FNTB: variants seen among roughly 807,000 people sequenced by gnomAD.
FNTB encodes the protein protein farnesyltransferase subunit beta.
In FNTB, 27 loss-of-function variants were observed where a neutral mutation model predicts 59.4. That is an observed-to-expected ratio of 0.45 (90% CI 0.34 to 0.63). The LOEUF is 0.63. Ranked by LOEUF, FNTB falls within the 20% of genes least tolerant of loss-of-function variation. FNTB has a pLI of 0.02. For synonymous variants in FNTB, 230 were observed against 220.7 expected, an observed-to-expected ratio of 1.04 and a Z score of -0.37; for missense variants, 449 against 559.6, an observed-to-expected ratio of 0.80 and a Z score of 1.99.
chr14:65,010,826 G>C (rs2061672259), intron 2 of FNTB, among the ~76,000 whole-genome samples: 1 of 152,252 alleles, frequency 6.6e-6, no homozygotes, highest in Non-Finnish European at 1.5e-5. Context: ...ATTGAGGTCA[G>C]ATTCTCCCAC....
chr14:65,057,972 T>A (rs2062776879), intron 11 of FNTB, among the ~76,000 whole-genome samples: 1 of 152,238 alleles, frequency 6.6e-6, no homozygotes, highest in Non-Finnish European at 1.5e-5. Flanking sequence ...CCTGTCTGCC[T>A]TGTTGTTTTT....
intron 11 of FNTB, among the ~76,000 whole-genome samples, chr14:65,059,837 C>CTTTTTTTTTTT (rs34459085): frequency 7.4e-6 from 1 of 134,242 alleles, no homozygotes; most frequent in African/African-American, 2.8e-5. Flanking sequence ...GTCCTTTTTT[C>CTTTTTTTTTTT]TTTTTTTTTT....
At position 65,023,331 on chromosome 14, in the gene FNTB, C is replaced by G. The variant is rs559739528; in HGVS notation, c.375-4122C>G. Among the ~76,000 whole-genome samples, 1 of 152,314 alleles carries G rather than the reference C, an allele frequency of 6.6e-6. No individual in the cohort carries two copies. The highest frequency in any genetic ancestry group is 2.4e-5 in the African/African-American group (1 of 41,562). On this transcript the variant is annotated intron_variant, in intron 4 of 11. Coordinates refer to ENST00000246166, the MANE Select transcript of FNTB (RefSeq NM_002028.4). This position sits in a 1 kb window ranked among gnomAD's most constrained non-coding sequence, Gnocchi z 4.1. ...CACCTCAGCCAAAGTGCTGGGATTA[C>G]AGGCATGAGCCACCACGCCTGGCCA...
chr14:65,031,416 C>T lies in FNTB; in HGVS notation c.606-1194C>T, dbSNP rs1304892613. ...CACTGCAACCCCCGCCTCCCGGGTT[C>T]AAGTGGTTCTCCTGCCTCAGCCTCC... is the stretch of plus-strand genomic sequence containing the variant. On this transcript the variant is annotated intron_variant, in intron 6 of 11. Transcript: ENST00000246166. The surrounding 1 kb of genome is among the most constrained non-coding windows in gnomAD (Gnocchi z 4.6). Among the ~76,000 whole-genome samples, 1 of 151,804 alleles carries T rather than the reference C, an allele frequency of 6.6e-6. No individual in the cohort carries two copies. Among genetic ancestry groups the T allele is most frequent in the African/African-American group, 2.4e-5 (1 of 41,358 alleles).
chr14:65,042,230 A>G (rs559535414), intron 8 of FNTB, among the ~76,000 whole-genome samples: 8 of 152,152 alleles, frequency 5.3e-5, no homozygotes, highest in Non-Finnish European at 1.0e-4. Flanking sequence ...TGATTCAAGT[A>G]CATTACATTT....
chr14:64,988,497 A>G lies in FNTB; in HGVS notation c.144+1400A>G, dbSNP rs1161522300. On this transcript the variant is annotated intron_variant, in intron 1 of 11. Transcript: ENST00000246166. Reference sequence around the variant, plus strand: ...GGTCTCGCCCTGTTGCCAGGCTGGGATGCACTGGCTTACTGCACCCTCCGC... The same window carrying G: ...GGTCTCGCCCTGTTGCCAGGCTGGGGTGCACTGGCTTACTGCACCCTCCGC... 2.0e-4 allele frequency among the ~76,000 whole-genome samples: 25 copies of G among 122,470 alleles called. No homozygotes were observed. In the Admixed American group the frequency reaches 2.5e-3, roughly 12 times the overall value. 80.3% of individuals were successfully genotyped at this position (122,470 alleles called of 152,430 possible).
chr14:65,001,246 G>A lies in FNTB; in HGVS notation c.145-3003G>A, dbSNP rs931046684. ...CAATCAACAGACTACATATACCACA[G>A]TGGTCTGGAAAGATTATAGTACTGT... On this transcript the variant is annotated intron_variant, in intron 1 of 11. Coordinates refer to ENST00000246166, the MANE Select transcript of FNTB (RefSeq NM_002028.4). The surrounding 1 kb of genome is among the most constrained non-coding windows in gnomAD (Gnocchi z 5.5). Among the ~76,000 whole-genome samples, 1 of 152,274 alleles carries A rather than the reference G, an allele frequency of 6.6e-6. No individual in the cohort carries two copies. Among genetic ancestry groups the A allele is most frequent in the South Asian group, 2.1e-4 (1 of 4,826 alleles).
chr14:65,028,889 C>T lies in FNTB; in HGVS notation c.605+1108C>T, dbSNP rs553684816. 3.1e-4 allele frequency among the ~76,000 whole-genome samples: 47 copies of T among 152,276 alleles called. No homozygotes were observed. Among genetic ancestry groups the T allele is most frequent in the African/African-American group, 1.1e-3 (45 of 41,540 alleles). ...CCCCAAAATATGCACAGTCTTGAAA[C>T]GCAGCTTTTAAAAACCTACTAAGAT... On this transcript the variant is annotated intron_variant, in intron 6 of 11. Transcript: ENST00000246166. This position sits in a 1 kb window ranked among gnomAD's most constrained non-coding sequence, Gnocchi z 4.4.
At position 65,054,651 on chromosome 14, in the gene FNTB, T is replaced by C; in HGVS notation, c.1144T>C (p.Leu382=). The change falls in exon 11 of 12, where the codon TTG becomes CTG. Residue 382 remains leucine (L), a synonymous_variant. Coordinates refer to ENST00000246166, the MANE Select transcript of FNTB (RefSeq NM_002028.4). This position sits in a 1 kb window ranked among gnomAD's most constrained non-coding sequence, Gnocchi z 4.4. ...CCAGCACTTCGGCAGCGGAGCCATG[T>C]TGCATGATGTGGTCCTGGGTGTGCC... is the stretch of plus-strand genomic sequence containing the variant. ...IAQHFGSGAM[L]HDVVLGVPEN... is the part of the protein sequence containing the mutation. The C allele has an allele frequency of 6.2e-7, 1 of 1,613,492 alleles. No homozygotes were observed. The highest frequency in any genetic ancestry group is 8.5e-7 in the Non-Finnish European group (1 of 1,179,716).
chr14:65,020,221 G>A (rs78339233), intron 4 of FNTB, among the ~76,000 whole-genome samples: 3,504 of 152,310 alleles, frequency 0.023, 147 homozygotes, highest in African/African-American at 0.08. Context: ...CCAGCAAGGC[G>A]AGGTTGTTAC....
At chr14:65,010,167 C>T (rs533528352) in intron 2 of FNTB, among the ~76,000 whole-genome samples, 32 of 152,306 alleles carry the variant, frequency 2.1e-4, no homozygotes, top group African/African-American at 7.7e-4. Context: ...ATTCTCTCCT[C>T]CCTGATGGCC....
At chr14:65,010,268 G>C (rs143659687) in intron 2 of FNTB, among the ~76,000 whole-genome samples, 9 of 152,146 alleles carry the variant, frequency 5.9e-5, no homozygotes, top group Admixed American at 5.9e-4. Flanking sequence ...TTAGAGATGG[G>C]TCTTCCCACA....
At chr14:65,051,013 T>G (rs931895985) in intron 9 of FNTB, among the ~76,000 whole-genome samples, 2 of 152,224 alleles carry the variant, frequency 1.3e-5, no homozygotes, top group Admixed American at 1.3e-4. Flanking sequence ...TCACTGTGCT[T>G]ACAGGTGAGG....
Position 65,027,306 on chromosome 14 carries a change from G to C in FNTB, c.375-147G>C. On this transcript the variant is annotated intron_variant, in intron 4 of 11. Transcript: ENST00000246166. The surrounding 1 kb of genome is among the most constrained non-coding windows in gnomAD (Gnocchi z 5.7). ...GAGAGAATTAAGCCCTTTGGGGAGA[G>C]GTTATATTCAACAAGTGGGAGGAGA... is the stretch of plus-strand genomic sequence containing the variant. The C allele has an allele frequency of 1.6e-6, 2 of 1,255,578 alleles. No individual in the cohort carries two copies. Among genetic ancestry groups the C allele is most frequent in the Non-Finnish European group, 2.2e-6 (2 of 903,212 alleles). The allele number at this position is 1,255,578 out of a possible 1,614,324, so 77.8% of individuals were successfully genotyped here.
intron 1 of FNTB, among the ~76,000 whole-genome samples, chr14:64,998,207 A>C (rs1161854277): frequency 6.6e-6 from 1 of 152,252 alleles, no homozygotes; most frequent in Non-Finnish European, 1.5e-5. Context: ...TCTGAGCTGA[A>C]ATTTAGTGAC....
At chr14:64,987,968 A>T (rs1888018406) in intron 1 of FNTB, among the ~76,000 whole-genome samples, 1 of 152,220 alleles carries the variant, frequency 6.6e-6, no homozygotes, top group African/African-American at 2.4e-5. Flanking sequence ...ATAAATGAAC[A>T]TTCTGCTGCT....
intron 9 of FNTB, among the ~76,000 whole-genome samples, chr14:65,051,207 A>G (rs998847148): frequency 3.3e-5 from 5 of 152,216 alleles, no homozygotes; most frequent in African/African-American, 4.8e-5. Flanking sequence ...CCTGGCCTCT[A>G]AATGTCACCT....
rs527700504 is a variant in FNTB at position 65,060,467 on chromosome 14, C to T, written c.1183-714C>T. Among the ~76,000 whole-genome samples, 37 of 104,894 alleles carry T rather than the reference C, an allele frequency of 3.5e-4. 11 individuals carry two copies. The highest frequency in any genetic ancestry group is 2.3e-3 in the African/African-American group (28 of 11,980). 68.8% of individuals were successfully genotyped at this position (104,894 alleles called of 152,430 possible). On this transcript the variant is annotated intron_variant, in intron 11 of 11. Transcript: ENST00000246166. ...ATCCCAGCACTTTGGGAGGCCGAGG[C>T]GGGCGGATCACGAGGTCAGGAGATC...
chr14:65,058,610 A>G (rs1288093963), intron 11 of FNTB, among the ~76,000 whole-genome samples: 3 of 152,222 alleles, frequency 2.0e-5, no homozygotes, highest in Admixed American at 6.5e-5. Flanking sequence ...TAGTTACATT[A>G]TATCAAGTTA....
Sources: allele counts gnomAD v4.1 joint callset (sites outside exome capture counted in the v4.1 genomes callset), GRCh38; gene constraint gnomAD v4.1.1; non-coding constraint Gnocchi (gnomAD v3.1); transcripts MANE v1.5; gene names NCBI Gene and HGNC (gene_info 2026-07-23, HGNC 2026-07-21).